H2BC1: variants seen among roughly 807,000 people sequenced by gnomAD.
H2BC1 encodes the protein H2B clustered histone 1, also known as histone H2B type 1-A.
H2BC1 carries 5 observed loss-of-function variants against 5.4 expected under a neutral mutation model. That is an observed-to-expected ratio of 0.92 (90% CI 0.48 to 1.94). The LOEUF (loss-of-function observed/expected upper bound fraction) is 1.94. Ranked by LOEUF, H2BC1 falls within the 30% of genes most tolerant of loss-of-function variation. The pLI, the probability that H2BC1 is intolerant of heterozygous loss-of-function variation, is 0.01. For synonymous variants in H2BC1, 131 were observed against 58.2 expected, an observed-to-expected ratio of 2.25 and a Z score of -5.69; for missense variants, 210 against 159.1, an observed-to-expected ratio of 1.32 and a Z score of -1.72.
Position 25,726,925 on chromosome 6 carries a change from C to G in H2BC1, c.17C>G (p.Ser6Cys). Residue 6 changes from serine (S) to cysteine (C), a missense_variant, in exon 1 of 1, where the codon TCT (serine) becomes TGT (cysteine). Ser to Cys is a moderately radical substitution (Grantham distance 112, BLOSUM62 -1). Transcript: ENST00000274764. ...GTGGTAGCTATGCCGGAGGTGTCAT[C>G]TAAAGGTGCTACCATTTCCAAGAAG... MPEVS[S>C]KGATISKKGF... is the part of the protein sequence containing the mutation. 1 of 1,613,260 alleles carries G rather than the reference C, an allele frequency of 6.2e-7. No individual in the cohort carries two copies. The highest frequency in any genetic ancestry group is 8.5e-7 in the Non-Finnish European group (1 of 1,179,682).
In H2BC1 at chr6:25,726,791, C is replaced by A; in HGVS notation, c.-118C>A. 2.3e-6 allele frequency: 3 copies of A among 1,310,210 alleles called. No homozygotes were observed. Among genetic ancestry groups the A allele is most frequent in the Non-Finnish European group, 3.2e-6 (3 of 951,252 alleles). 81.2% of individuals were successfully genotyped at this position (1,310,210 alleles called of 1,614,324 possible). A position where few individuals can be genotyped will look rare whatever the true frequency, so the allele number is the denominator to read the frequency against. ...CCTCCAGTTCTGTTTGTTTACTTGG[C>A]GAGACTTGGAGCTGAGGTCATTTGG... On this transcript the variant is annotated 5_prime_UTR_variant, in exon 1 of 1. Coordinates refer to ENST00000274764, the MANE Select transcript of H2BC1 (RefSeq NM_170610.3).
Position 25,726,790 on chromosome 6 carries a change from G to A in H2BC1, c.-119G>A, listed in dbSNP as rs1323205461. ...TCCTCCAGTTCTGTTTGTTTACTTG[G>A]CGAGACTTGGAGCTGAGGTCATTTG... On this transcript the variant is annotated 5_prime_UTR_variant, in exon 1 of 1. Coordinates refer to ENST00000274764, the MANE Select transcript of H2BC1 (RefSeq NM_170610.3). The A allele has an allele frequency of 1.2e-5, 16 of 1,301,982 alleles. No individual in the cohort carries two copies. The highest frequency in any genetic ancestry group is 1.7e-5 in the Non-Finnish European group (16 of 943,742). 80.7% of individuals were successfully genotyped at this position (1,301,982 alleles called of 1,614,324 possible). A position where few individuals can be genotyped will look rare whatever the true frequency, so the allele number is the denominator to read the frequency against.
chr6:25,727,310 C>T lies in H2BC1; in HGVS notation c.*18C>T, dbSNP rs757112467. On this transcript the variant is annotated 3_prime_UTR_variant, in exon 1 of 1. Transcript: ENST00000274764. ...CCAAGTAAGCCTGCTAAGTAAACGT[C>T]ATTTCTAACCCAAAGGCTCTTTTCA... 2.6e-6 allele frequency: 4 copies of T among 1,560,228 alleles called. No homozygotes were observed. The highest frequency in any genetic ancestry group is 2.7e-5 in the African/African-American group (2 of 73,272).
rs995284695 is a variant in H2BC1, at chr6:25,727,058, C to T, written c.150C>T (p.Val50=). The T allele has an allele frequency of 5.0e-6, 8 of 1,614,220 alleles. No homozygotes were observed. Among genetic ancestry groups the T allele is most frequent in the Non-Finnish European group, 5.9e-6 (7 of 1,180,022 alleles). Residue 50 remains valine (V), a synonymous_variant, in exon 1 of 1, where the codon GTC becomes GTT. Transcript: ENST00000274764. ...ACATCTACAAAGTGCTAAAGCAGGT[C>T]CATCCGGACACTGGCATCTCTTCGA... is the stretch of plus-strand genomic sequence containing the variant. ...SIYIYKVLKQ[V]HPDTGISSKA...
rs1760266415 is a variant in H2BC1 at position 25,726,825 on chromosome 6, A to C, written c.-84A>C. On this transcript the variant is annotated 5_prime_UTR_variant, in exon 1 of 1. Transcript: ENST00000274764. ...GAGCTGAGGTCATTTGGAGCTGTTT[A>C]ATACTGAAGAGCTGTTGAGCACTGG... 4 of 1,468,550 alleles carry C rather than the reference A, an allele frequency of 2.7e-6. No individual in the cohort carries two copies. Among genetic ancestry groups the C allele is most frequent in the Non-Finnish European group, 3.7e-6 (4 of 1,088,790 alleles). The allele number at this position is 1,468,550 out of a possible 1,614,324, so 91.0% of individuals were successfully genotyped here.
At position 25,727,007 on chromosome 6, in the gene H2BC1, G is replaced by A. The variant is rs577278642; in HGVS notation, c.99G>A (p.Arg33=). ...AAAAGGAAGGCAAAAAGCGCAAGAGGACCCGTAAGGAGAGTTATTCTATTT... is the reference window on the plus strand; with the variant it reads ...AAAAGGAAGGCAAAAAGCGCAAGAGAACCCGTAAGGAGAGTTATTCTATTT... ...TQKKEGKKRK[R]TRKESYSIYI... The change falls in exon 1 of 1, where the codon AGG becomes AGA. Residue 33 remains arginine (R), a synonymous_variant. Coordinates refer to ENST00000274764, the MANE Select transcript of H2BC1 (RefSeq NM_170610.3). 252 of 1,614,158 alleles carry A rather than the reference G, an allele frequency of 1.6e-4. 2 individuals are homozygous for A. The South Asian group carries it at 2.6e-3, about 17-fold the overall frequency.
At position 25,726,952 on chromosome 6, in the gene H2BC1, G is replaced by T. The variant is rs747749706; in HGVS notation, c.44G>T (p.Gly15Val). ...SSKGATISKK[G>V]FKKAVVKTQK... ...AAAGGTGCTACCATTTCCAAGAAGG[G>T]CTTTAAGAAAGCTGTCGTTAAGACC... The change falls in exon 1 of 1, where the codon GGC becomes GTC. Residue 15 changes from glycine (G) to valine (V), a missense_variant. By Grantham distance (109) the Gly-to-Val change is moderately radical. Transcript: ENST00000274764. The T allele has an allele frequency of 2.5e-6, 4 of 1,614,068 alleles. No individual in the cohort carries two copies. Among genetic ancestry groups the T allele is most frequent in the Non-Finnish European group, 3.4e-6 (4 of 1,180,030 alleles).
Position 25,726,940 on chromosome 6 carries a change from T to C in H2BC1, c.32T>C (p.Ile11Thr), listed in dbSNP as rs1180546092. ...GAGGTGTCATCTAAAGGTGCTACCA[T>C]TTCCAAGAAGGGCTTTAAGAAAGCT... is the stretch of plus-strand genomic sequence containing the variant. MPEVSSKGAT[I>T]SKKGFKKAVV... Residue 11 changes from isoleucine (I) to threonine (T), a missense_variant, in exon 1 of 1, where the codon ATT (isoleucine) becomes ACT (threonine). By Grantham distance (89) the Ile-to-Thr change is moderately conservative. Coordinates refer to ENST00000274764, the MANE Select transcript of H2BC1 (RefSeq NM_170610.3). The C allele has an allele frequency of 1.9e-6, 3 of 1,613,776 alleles. No homozygotes were observed. Among genetic ancestry groups the C allele is most frequent in the African/African-American group, 1.3e-5 (1 of 74,862 alleles).
chr6:25,727,229 G>C lies in H2BC1; in HGVS notation c.321G>C (p.Glu107Asp). 1 of 1,613,912 alleles carries C rather than the reference G, an allele frequency of 6.2e-7. No homozygotes were observed. The highest frequency in any genetic ancestry group is 8.5e-7 in the Non-Finnish European group (1 of 1,179,870). The stretch of plus-strand genomic sequence containing the variant: ...CAGTGCGCTTGCTACTGCCGGGAGA[G>C]CTGGCTAAACATGCTGTGTCTGAGG... ...QTAVRLLLPGELAKHAVSEGT... is the reference protein window; with the variant it reads ...QTAVRLLLPGDLAKHAVSEGT... Residue 107 changes from glutamate (E) to aspartate (D), a missense_variant, in exon 1 of 1, where the codon GAG becomes GAC. Glu to Asp is a conservative substitution (Grantham distance 45, BLOSUM62 2). Coordinates refer to ENST00000274764, the MANE Select transcript of H2BC1 (RefSeq NM_170610.3).
chr6:25,726,915 G>C lies in H2BC1; in HGVS notation c.7G>C (p.Glu3Gln). The change falls in exon 1 of 1, where the codon GAG becomes CAG. Residue 3 changes from glutamate (E) to glutamine (Q), a missense_variant. Glu to Gln is a conservative substitution (Grantham distance 29, BLOSUM62 2). Coordinates refer to ENST00000274764, the MANE Select transcript of H2BC1 (RefSeq NM_170610.3). Reference protein sequence around the residue: MPEVSSKGATISK... With the variant: MPQVSSKGATISK... ...GCAGAAGTGTGTGGTAGCTATGCCG[G>C]AGGTGTCATCTAAAGGTGCTACCAT... 6.2e-7 allele frequency: 1 copy of C among 1,612,162 alleles called. No homozygotes were observed. The highest frequency in any genetic ancestry group is 2.2e-5 in the East Asian group (1 of 44,860).
Position 25,726,971 on chromosome 6 carries a change from TAAGACCCAGAAAAAGG to T in H2BC1, c.67_82del (p.Thr23AlafsTer20), listed in dbSNP as rs777748064. The T allele has an allele frequency of 6.2e-7, 1 of 1,614,070 alleles. No homozygotes were observed. Among genetic ancestry groups the T allele is most frequent in the Non-Finnish European group, 8.5e-7 (1 of 1,180,044 alleles). ...AGAAGGGCTTTAAGAAAGCTGTCGT[TAAGACCCAGAAAAAGG>T]AAGGCAAAAAGCGCAAGAGGACCCG... On this transcript the variant is annotated frameshift_variant, in exon 1 of 1. Transcript: ENST00000274764. LOFTEE classifies it low-confidence loss of function (END_TRUNC).
Position 25,726,878 on chromosome 6 carries a change from C to G in H2BC1, c.-31C>G, listed in dbSNP as rs374279271. On this transcript the variant is annotated 5_prime_UTR_variant, in exon 1 of 1. Coordinates refer to ENST00000274764, the MANE Select transcript of H2BC1 (RefSeq NM_170610.3). The stretch of plus-strand genomic sequence containing the variant: ...AGTGCTGTGTAACCCTGGAAAAGAA[C>G]CGTGTAACGCTGCAGAAGTGTGTGG... 1 of 1,581,724 alleles carries G rather than the reference C, an allele frequency of 6.3e-7. No homozygotes were observed. The highest frequency in any genetic ancestry group is 1.8e-5 in the Admixed American group (1 of 55,500).
chr6:25,727,287 A>G lies in H2BC1; in HGVS notation c.379A>G (p.Lys127Glu). The change falls in exon 1 of 1, where the codon AAG becomes GAG. Residue 127 changes from lysine (K) to glutamate (E), a missense_variant. Transcript: ENST00000274764. ...TKAVTKYTSS[K>E] Reference sequence around the variant, plus strand: ...GGCTGTCACTAAGTACACCAGCTCCAAGTAAGCCTGCTAAGTAAACGTCAT... The same window carrying G: ...GGCTGTCACTAAGTACACCAGCTCCGAGTAAGCCTGCTAAGTAAACGTCAT... 6.3e-7 allele frequency: 1 copy of G among 1,595,614 alleles called. No individual in the cohort carries two copies. Among genetic ancestry groups the G allele is most frequent in the Non-Finnish European group, 8.6e-7 (1 of 1,169,132 alleles).
Position 25,727,242 on chromosome 6 carries a change from G to C in H2BC1, c.334G>C (p.Ala112Pro), listed in dbSNP as rs1760294656. 1 of 1,613,260 alleles carries C rather than the reference G, an allele frequency of 6.2e-7. No individual in the cohort carries two copies. The highest frequency in any genetic ancestry group is 1.7e-5 in the Admixed American group (1 of 59,988). The part of the protein sequence containing the change: ...LLLPGELAKH[A>P]VSEGTKAVTK... ...ACTGCCGGGAGAGCTGGCTAAACAT[G>C]CTGTGTCTGAGGGCACCAAGGCTGT... The change falls in exon 1 of 1, where the codon GCT becomes CCT. Residue 112 changes from alanine (A) to proline (P), a missense_variant. Coordinates refer to ENST00000274764, the MANE Select transcript of H2BC1 (RefSeq NM_170610.3).
At position 25,727,151 on chromosome 6, in the gene H2BC1, T is replaced by C. The variant is rs531829663; in HGVS notation, c.243T>C (p.Arg81=). Residue 81 remains arginine, a synonymous_variant, in exon 1 of 1, where the codon CGT becomes CGC. Coordinates refer to ENST00000274764, the MANE Select transcript of H2BC1 (RefSeq NM_170610.3). ...IFERIASEAS[R]LAHYSKRSTI... ...AGCGTATAGCGAGCGAGGCATCACG[T>C]TTGGCTCACTACAGCAAGCGCTCCA... 1.2e-6 allele frequency: 2 copies of C among 1,614,196 alleles called. No homozygotes were observed. The highest frequency in any genetic ancestry group is 2.2e-5 in the South Asian group (2 of 91,082).
Position 25,727,016 on chromosome 6 carries a change from G to A in H2BC1, c.108G>A (p.Lys36=), listed in dbSNP as rs1010526241. Residue 36 remains lysine, a synonymous_variant, in exon 1 of 1, where the codon AAG becomes AAA. Coordinates refer to ENST00000274764, the MANE Select transcript of H2BC1 (RefSeq NM_170610.3). The part of the protein sequence containing the change: ...KEGKKRKRTR[K]ESYSIYIYKV... ...GCAAAAAGCGCAAGAGGACCCGTAAGGAGAGTTATTCTATTTACATCTACA... is the reference window on the plus strand; with the variant it reads ...GCAAAAAGCGCAAGAGGACCCGTAAAGAGAGTTATTCTATTTACATCTACA... 4.0e-5 allele frequency: 64 copies of A among 1,614,078 alleles called. 1 individual carries two copies. The Middle Eastern group carries it at 2.1e-3, about 54-fold the overall frequency.
rs1352837532 is a variant in H2BC1 at position 25,727,074 on chromosome 6, ATC to A, written c.170_171del (p.Ser57PhefsTer13). 1 of 1,614,260 alleles carries A rather than the reference ATC, an allele frequency of 6.2e-7. No homozygotes were observed. Among genetic ancestry groups the A allele is most frequent in the African/African-American group, 1.3e-5 (1 of 75,076 alleles). ...VLKQVHPDTG[I>X]SSKAMSIMNS... Reference sequence around the variant, plus strand: ...AAAGCAGGTCCATCCGGACACTGGCATCTCTTCGAAAGCTATGAGCATTATGA... The same window carrying A: ...AAAGCAGGTCCATCCGGACACTGGCATCTTCGAAAGCTATGAGCATTATGA... On this transcript the variant is annotated frameshift_variant, in exon 1 of 1. Coordinates refer to ENST00000274764, the MANE Select transcript of H2BC1 (RefSeq NM_170610.3). LOFTEE classifies it high-confidence loss of function.
In H2BC1 at chr6:25,726,869, G is replaced by A. The variant is rs748278474; in HGVS notation, c.-40G>A. The A allele has an allele frequency of 8.9e-6, 14 of 1,574,182 alleles. No homozygotes were observed. Among genetic ancestry groups the A allele is most frequent in the Admixed American group, 5.5e-5 (3 of 54,684 alleles). ...GCACTGGAAAGTGCTGTGTAACCCT[G>A]GAAAAGAACCGTGTAACGCTGCAGA... On this transcript the variant is annotated 5_prime_UTR_variant, in exon 1 of 1. Coordinates refer to ENST00000274764, the MANE Select transcript of H2BC1 (RefSeq NM_170610.3).
At position 25,726,833 on chromosome 6, in the gene H2BC1, A is replaced by C; in HGVS notation, c.-76A>C. ...GTCATTTGGAGCTGTTTAATACTGA[A>C]GAGCTGTTGAGCACTGGAAAGTGCT... On this transcript the variant is annotated 5_prime_UTR_variant, in exon 1 of 1. Coordinates refer to ENST00000274764, the MANE Select transcript of H2BC1 (RefSeq NM_170610.3). 9.3e-6 allele frequency: 14 copies of C among 1,499,868 alleles called. No individual in the cohort carries two copies. The highest frequency in any genetic ancestry group is 1.3e-5 in the Non-Finnish European group (14 of 1,115,086). 92.9% of individuals were successfully genotyped at this position (1,499,868 alleles called of 1,614,324 possible).
Sources: allele counts gnomAD v4.1 joint callset, GRCh38; gene constraint gnomAD v4.1.1; transcripts MANE v1.5; gene names NCBI Gene and HGNC (gene_info 2026-07-23, HGNC 2026-07-21).